Variants in FBXO4 observed in about 807,000 individuals in gnomAD.
The protein encoded by FBXO4 is F-box protein 4, also known as F-box only protein 4.
FBXO4 carries 36 observed loss-of-function variants against 43.7 expected under a neutral mutation model. The ratio of observed to expected loss-of-function variants is 0.82; its 90% CI spans 0.63 to 1.09. The LOEUF is 1.09. FBXO4 is among the 50% of genes least tolerant of loss of function. The pLI, the probability that FBXO4 is intolerant of heterozygous loss-of-function variation, is 0.00. For synonymous variants in FBXO4, 180 were observed against 165.6 expected, an observed-to-expected ratio of 1.09 and a Z score of -0.67; for missense variants, 435 against 474.1, an observed-to-expected ratio of 0.92 and a Z score of 0.77.
the FBXO4 span, among the ~76,000 whole-genome samples, chr5:42,008,639 T>C: frequency 6.6e-5 from 10 of 151,826 alleles, no homozygotes; most frequent in African/African-American, 2.4e-4. Context: ...GGGAATCTCT[T>C]TTAATCCTCC....
the FBXO4 span, among the ~76,000 whole-genome samples, chr5:41,999,478 CACATAT>C: frequency 3.6e-3 from 99 of 27,876 alleles, no homozygotes; most frequent in African/African-American, 7.5e-3. Flanking sequence ...TATATATATA[CACATAT>C]ATATATATAC....
chr5:41,944,266 T>C (rs1229591094), downstream of FBXO4, among the ~76,000 whole-genome samples: 1 of 152,220 alleles, frequency 6.6e-6, no homozygotes, highest in Non-Finnish European at 1.5e-5. Flanking sequence ...AATAAGCGTT[T>C]ACTAAAAGAA....
chr5:41,941,209 T>G lies in FBXO4; in HGVS notation c.1092T>G (p.Ala364=). The G allele has an allele frequency of 6.2e-7, 1 of 1,613,760 alleles. No homozygotes were observed. Among genetic ancestry groups the G allele is most frequent in the Non-Finnish European group, 8.5e-7 (1 of 1,179,720 alleles). The part of the protein sequence containing the change: ...NHPWLVQDTE[A]ETLTGFLNGI... ...ATTCCGAGGTCCAGGATACAGAGGC[T>G]GAAACTCTGACTGGTTTTTTGAATG... Residue 364 remains alanine (A), a synonymous_variant, in exon 7 of 7, where the codon GCT becomes GCG. Transcript: ENST00000281623.
At chr5:42,029,740 A>G in the FBXO4 span, among the ~76,000 whole-genome samples, 116 of 151,632 alleles carry the variant, frequency 7.7e-4, 1 homozygote, top group African/African-American at 2.7e-3. Flanking sequence ...CTATTAAATG[A>G]CTCTGATACA....
At chr5:42,039,932 G>C in the FBXO4 span, among the ~76,000 whole-genome samples, 1,518 of 152,172 alleles carry the variant, frequency 1.0e-2, 74 homozygotes, top group Admixed American at 0.072. Flanking sequence ...CCTGCCCTGA[G>C]TTCCACAGTT....
the FBXO4 span, among the ~76,000 whole-genome samples, chr5:41,989,808 A>G: frequency 6.6e-6 from 1 of 152,170 alleles, no homozygotes; most frequent in East Asian, 1.9e-4. Context: ...CCTTAGATTC[A>G]GACCAAAGAT....
rs752776968 is a variant in FBXO4, at chr5:41,929,703, A to G, written c.432A>G (p.Arg144=). ...TTGTGACAATTTTTTACAGCTATAG[A>G]ATGTGCTGTCCATACACAAGAAGAG... ...GAFFDYMAVY[R]MCCPYTRRAS... Residue 144 remains arginine, a synonymous_variant, in exon 3 of 7, where the codon AGA becomes AGG. Transcript: ENST00000281623. 6.2e-7 allele frequency: 1 copy of G among 1,600,152 alleles called. No individual in the cohort carries two copies. The highest frequency in any genetic ancestry group is 1.1e-5 in the South Asian group (1 of 88,144).
the FBXO4 span, among the ~76,000 whole-genome samples, chr5:41,977,148 T>G: frequency 6.6e-6 from 1 of 152,154 alleles, no homozygotes. Context: ...CCTATAAACC[T>G]GTGATGTGAG....
chr5:42,009,187 A>T, the FBXO4 span, among the ~76,000 whole-genome samples: 53 of 152,090 alleles, frequency 3.5e-4, no homozygotes, highest in Non-Finnish European at 6.0e-4. Context: ...CTAACACCTG[A>T]TCTGGCCACT....
chr5:41,967,130 A>C, the FBXO4 span: 1 of 357,990 alleles, frequency 2.8e-6, no homozygotes, highest in African/African-American at 2.2e-5. Context: ...TATAGAAGAC[A>C]CAAGAGTTAG....
the FBXO4 span, among the ~76,000 whole-genome samples, chr5:42,001,018 A>G: frequency 6.6e-6 from 1 of 152,192 alleles, no homozygotes; most frequent in African/African-American, 2.4e-5. Context: ...TGATGATTTC[A>G]GCTTTGCTAT....
the FBXO4 span, among the ~76,000 whole-genome samples, chr5:41,982,668 C>T: frequency 6.6e-6 from 1 of 152,030 alleles, no homozygotes; most frequent in East Asian, 1.9e-4. Flanking sequence ...CCTACTAATT[C>T]TCTTTGTGAT....
At chr5:41,975,322 A>G in the FBXO4 span, among the ~76,000 whole-genome samples, 1 of 152,202 alleles carries the variant, frequency 6.6e-6, no homozygotes, top group African/African-American at 2.4e-5. Flanking sequence ...TTGATGTATG[A>G]GCTCAGCTCT....
the FBXO4 span, among the ~76,000 whole-genome samples, chr5:41,962,131 C>T: frequency 1.3e-5 from 2 of 152,100 alleles, no homozygotes; most frequent in Non-Finnish European, 2.9e-5. Context: ...AAGGCTGGTA[C>T]CTCCTACTCT....
the FBXO4 span, among the ~76,000 whole-genome samples, chr5:41,949,046 T>C: frequency 6.6e-6 from 1 of 152,106 alleles, no homozygotes; most frequent in African/African-American, 2.4e-5. Flanking sequence ...ATAAACTAGG[T>C]ATTGATGGAA....
intron 2 of FBXO4, among the ~76,000 whole-genome samples, chr5:41,929,081 G>A (rs2112569805): frequency 6.6e-6 from 1 of 152,242 alleles, no homozygotes; most frequent in South Asian, 2.1e-4. Context: ...TGGTTATATT[G>A]GTAGTGTTAG....
At chr5:41,968,895 A>C in the FBXO4 span, among the ~76,000 whole-genome samples, 1 of 152,172 alleles carries the variant, frequency 6.6e-6, no homozygotes, top group African/African-American at 2.4e-5. Context: ...GTATTCTTAC[A>C]TCTTATGATT....
downstream of FBXO4, among the ~76,000 whole-genome samples, chr5:41,946,043 T>A (rs535881449): frequency 4.6e-5 from 7 of 152,198 alleles, no homozygotes; most frequent in Non-Finnish European, 8.8e-5. Flanking sequence ...TCTCACCTCA[T>A]AATCAAATGA....
chr5:42,018,457 A>G, the FBXO4 span, among the ~76,000 whole-genome samples: 111 of 152,244 alleles, frequency 7.3e-4, no homozygotes, highest in Admixed American at 1.8e-3. Context: ...AAAGTAAAAC[A>G]TAAGTGAAAC....
Sources: allele counts gnomAD v4.1 joint callset (sites outside exome capture counted in the v4.1 genomes callset), GRCh38; gene constraint gnomAD v4.1.1; transcripts MANE v1.5; gene names NCBI Gene and HGNC (gene_info 2026-07-23, HGNC 2026-07-21).